Variants in TOGARAM1 observed in about 807,000 individuals in gnomAD.
TOGARAM1 encodes TOG array regulator of axonemal microtubules 1, also known as TOG array regulator of axonemal microtubules protein 1.
Under a neutral mutation model 166.6 loss-of-function variants are expected in TOGARAM1, and 100 were observed. The ratio of observed to expected loss-of-function variants is 0.60; its 90% CI spans 0.51 to 0.71. The LOEUF (loss-of-function observed/expected upper bound fraction) is 0.71, where lower values mean the gene tolerates loss of function less well. Among genes scored for constraint, TOGARAM1 ranks in the 30% least tolerant of loss-of-function variants. TOGARAM1 has a pLI of 0.00. For missense variants in TOGARAM1, 2,029 were observed against 2,102.7 expected, an observed-to-expected ratio of 0.96 and a Z score of 0.69; for synonymous variants, 758 against 763.8, an observed-to-expected ratio of 0.99 and a Z score of 0.13.
At chr14:44,977,338 C>T (rs557697447) in intron 1 of TOGARAM1, among the ~76,000 whole-genome samples, 3 of 151,168 alleles carry the variant, frequency 2.0e-5, no homozygotes, top group Non-Finnish European at 4.4e-5. Flanking sequence ...GGGTTCACGC[C>T]ATTCTCCTGC....
chr14:44,978,678 G>A (rs569300929), intron 1 of TOGARAM1, among the ~76,000 whole-genome samples: 1 of 152,198 alleles, frequency 6.6e-6, no homozygotes, highest in South Asian at 2.1e-4. Flanking sequence ...CATGTCTATA[G>A]TCCCAGCTAC....
chr14:44,999,593 A>T, intron 3 of TOGARAM1, 96 bp downstream of exon 3: 5 of 947,450 alleles, frequency 5.3e-6, no homozygotes, highest in Non-Finnish European at 7.3e-6. Context: ...ACTCATACTC[A>T]TCACAAAAAA....
chr14:45,023,993 G>A (rs764100489), intron 7 of TOGARAM1, among the ~76,000 whole-genome samples: 5 of 152,070 alleles, frequency 3.3e-5, no homozygotes, highest in Non-Finnish European at 7.4e-5. Context: ...TGCCCACCTC[G>A]GCCCCACAAA....
At chr14:44,989,870 G>T (rs1367497329) in intron 1 of TOGARAM1, among the ~76,000 whole-genome samples, 1 of 152,200 alleles carries the variant, frequency 6.6e-6, no homozygotes, top group Non-Finnish European at 1.5e-5. Flanking sequence ...TTGCATGGCT[G>T]GGGAGGCCTC....
intron 6 of TOGARAM1, among the ~76,000 whole-genome samples, chr14:45,011,526 C>G (rs1879791941): frequency 6.6e-6 from 1 of 151,988 alleles, no homozygotes; most frequent in Non-Finnish European, 1.5e-5. Context: ...GGTGCCCAGG[C>G]TGGCCTTGAA....
chr14:45,041,775 T>C (rs562103912), intron 11 of TOGARAM1, among the ~76,000 whole-genome samples: 1 of 152,364 alleles, frequency 6.6e-6, no homozygotes, highest in South Asian at 2.1e-4. Flanking sequence ...TGTCTTTGTT[T>C]GTTTGAGACA....
rs576042103 is a variant in TOGARAM1, at chr14:45,051,934, AGT to A, written c.4314-500_4314-499del. On this transcript the variant is annotated intron_variant, in intron 14 of 19. Transcript: ENST00000361462. ...TGAATAGGAATTATCATAAGCCAAAAGTGCATTTAAACACCTAACCTACCAAA... is the reference window on the plus strand; with the variant it reads ...TGAATAGGAATTATCATAAGCCAAAAGCATTTAAACACCTAACCTACCAAA... 8.5e-5 allele frequency among the ~76,000 whole-genome samples: 13 copies of A among 152,312 alleles called. No individual in the cohort carries two copies. In the East Asian group the frequency reaches 2.5e-3, roughly 29 times the overall value.
intron 1 of TOGARAM1, among the ~76,000 whole-genome samples, chr14:44,975,157 T>G (rs1476350238): frequency 6.6e-6 from 1 of 152,174 alleles, no homozygotes; most frequent in Non-Finnish European, 1.5e-5. Flanking sequence ...CCCCTTTCTG[T>G]GTATGTTTTC....
intron 1 of TOGARAM1, among the ~76,000 whole-genome samples, chr14:44,979,477 C>T (rs1886411326): frequency 6.6e-6 from 1 of 152,140 alleles, no homozygotes; most frequent in Non-Finnish European, 1.5e-5. Context: ...CTAATCACCT[C>T]CCAAAGGCCC....
intron 10 of TOGARAM1, among the ~76,000 whole-genome samples, chr14:45,030,470 A>T (rs1881093373): frequency 6.6e-6 from 1 of 152,184 alleles, no homozygotes. Flanking sequence ...GCACAATACT[A>T]GGGAAGATAA....
At position 45,025,809 on chromosome 14, in the gene TOGARAM1, TC is replaced by T. The variant is rs1350756374; in HGVS notation, c.3267del (p.Ser1090ValfsTer15). 1 of 1,609,698 alleles carries T rather than the reference TC, an allele frequency of 6.2e-7. No homozygotes were observed. Among genetic ancestry groups the T allele is most frequent in the African/African-American group, 1.3e-5 (1 of 74,920 alleles). On this transcript the variant is annotated frameshift_variant, in exon 8 of 20. Coordinates refer to ENST00000361462, the MANE Select transcript of TOGARAM1 (RefSeq NM_001308120.2). LOFTEE classifies it high-confidence loss of function. The part of the protein sequence containing the change: ...AGSSSNPQQI[S>X]SFDFTTTKAL... ...GTCATCATCAAATCCACAGCAAATT[TC>T]CAGTTTTGACTTCACAACCACAAAG...
chr14:44,986,408 G>C (rs1355197599), intron 1 of TOGARAM1, among the ~76,000 whole-genome samples: 1 of 152,062 alleles, frequency 6.6e-6, no homozygotes, highest in Non-Finnish European at 1.5e-5. Flanking sequence ...CCCTACCTCA[G>C]CCTCCCGAGT....
intron 3 of TOGARAM1, among the ~76,000 whole-genome samples, chr14:45,002,265 G>C (rs1052382308): frequency 3.9e-5 from 6 of 152,038 alleles, no homozygotes; most frequent in African/African-American, 1.4e-4. Context: ...ACTCATAATT[G>C]GTATAATCAG....
chr14:45,050,499 T>C (rs539807477), intron 14 of TOGARAM1, among the ~76,000 whole-genome samples: 1 of 152,178 alleles, frequency 6.6e-6, no homozygotes, highest in Admixed American at 6.5e-5. Flanking sequence ...GCAGTCCACC[T>C]ACCTTGTCCT....
chr14:44,962,936 T>A lies in TOGARAM1; in HGVS notation c.515T>A (p.Leu172His). 6.2e-7 allele frequency: 1 copy of A among 1,614,238 alleles called. No individual in the cohort carries two copies. Among genetic ancestry groups the A allele is most frequent in the Non-Finnish European group, 8.5e-7 (1 of 1,180,048 alleles). Reference sequence around the variant, plus strand: ...CGGGGTCAGGGGGAGGCAGGCCAGCTTGAAGAGGCCTTTAGCTTAGCACTT... The same window carrying A: ...CGGGGTCAGGGGGAGGCAGGCCAGCATGAAGAGGCCTTTAGCTTAGCACTT... ...VLRGQGEAGQ[L>H]EEAFSLALLP... Residue 172 changes from leucine (L) to histidine (H), a missense_variant, in exon 1 of 20, where the codon CTT (leucine) becomes CAT (histidine). By Grantham distance (99) the Leu-to-His change is moderately conservative (BLOSUM62 -3). Around this residue, in one of 2 missense-constraint regions of TOGARAM1, gnomAD observed 1,453 missense variants for 1,432.2 expected, o/e 1.01. Transcript: ENST00000361462.
intron 11 of TOGARAM1, among the ~76,000 whole-genome samples, chr14:45,033,426 C>G (rs1049450148): frequency 2.0e-5 from 3 of 152,154 alleles, no homozygotes; most frequent in African/African-American, 7.2e-5. Flanking sequence ...ATACTGAACT[C>G]TGTTGTTGCA....
chr14:45,071,693 C>CT lies in TOGARAM1; in HGVS notation c.4970-18dup. Reference sequence around the variant, plus strand: ...CTCATTACTCTTTAAACATGTGTCTCTGTGTTCTTTTTGTTTAGACAATTA... The same window carrying CT: ...CTCATTACTCTTTAAACATGTGTCTCTTGTGTTCTTTTTGTTTAGACAATTA... On this transcript the variant is annotated intron_variant, in intron 18 of 19. Coordinates refer to ENST00000361462, the MANE Select transcript of TOGARAM1 (RefSeq NM_001308120.2). 1 of 1,566,168 alleles carries CT rather than the reference C, an allele frequency of 6.4e-7. No individual in the cohort carries two copies. The highest frequency in any genetic ancestry group is 1.4e-5 in the African/African-American group (1 of 73,380).
At position 44,962,334 on chromosome 14, in the gene TOGARAM1, C is replaced by T; in HGVS notation, c.-88C>T. The T allele has an allele frequency of 7.0e-7, 1 of 1,437,354 alleles. No individual in the cohort carries two copies. Among genetic ancestry groups the T allele is most frequent in the Non-Finnish European group, 9.2e-7 (1 of 1,089,446 alleles). The allele number at this position is 1,437,354 out of a possible 1,614,324, so 89.0% of individuals were successfully genotyped here. ...CTTTTGCCTCTTCTGCAGCTTGGGG[C>T]TTGGAGAGGATCTGGAAGTCTGGGC... is the stretch of plus-strand genomic sequence containing the variant. On this transcript the variant is annotated 5_prime_UTR_variant, in exon 1 of 20. Transcript: ENST00000361462.
intron 1 of TOGARAM1, among the ~76,000 whole-genome samples, chr14:44,980,024 T>C (rs1391813437): frequency 6.6e-6 from 1 of 152,200 alleles, no homozygotes; most frequent in Non-Finnish European, 1.5e-5. Context: ...ATCTAGACTA[T>C]GGATAACCTT....
Sources: gnomAD v4.1 joint callset for allele counts (sites outside exome capture counted in the v4.1 genomes callset) on GRCh38, gnomAD v4.1.1 for gene constraint, gnomAD v4.1.1 regional missense constraint, MANE v1.5 for transcripts, NCBI Gene and HGNC (gene_info 2026-07-23, HGNC 2026-07-21) for gene names.